Variants in FBXL17 observed in about 807,000 individuals in gnomAD.
The protein encoded by FBXL17 is F-box/LRR-repeat protein 17.
FBXL17 carries 22 observed loss-of-function variants against 66.2 expected under a neutral mutation model. The observed-to-expected ratio is 0.33, with a 90% confidence interval of 0.24 to 0.47. The LOEUF (loss-of-function observed/expected upper bound fraction) is 0.47, where lower values mean the gene tolerates loss of function less well. Among genes scored for constraint, FBXL17 ranks in the 20% least tolerant of loss-of-function variants. The pLI, the probability that FBXL17 is intolerant of heterozygous loss-of-function variation, is 1.00. For missense variants in FBXL17, 878 were observed against 948.2 expected (o/e 0.93, Z 0.97); for synonymous variants, 474 against 400.5 (o/e 1.18, Z -2.19).
intron 8 of FBXL17, chr5:107,878,978 A>G: frequency 1.0e-6 from 1 of 985,494 alleles, no homozygotes; most frequent in Non-Finnish European, 1.2e-6. Flanking sequence ...AAAAGGGCTA[A>G]AACCCTCAGG....
intron 5 of FBXL17, among the ~76,000 whole-genome samples, chr5:108,201,853 T>A (rs1160897485): frequency 8.5e-4 from 110 of 129,328 alleles, no homozygotes; most frequent in Middle Eastern, 4.4e-3. Context: ...AATTTGAAAG[T>A]AAAAAAAAAA....
intron 8 of FBXL17, among the ~76,000 whole-genome samples, chr5:107,866,741 A>G (rs1175132850): frequency 6.6e-6 from 1 of 152,220 alleles, no homozygotes; most frequent in Non-Finnish European, 1.5e-5. Context: ...TTTTTGACTC[A>G]GGTTTTAAGA....
At chr5:108,279,645 T>C (rs1330203587) in intron 4 of FBXL17, among the ~76,000 whole-genome samples, 1 of 149,508 alleles carries the variant, frequency 6.7e-6, no homozygotes, top group Non-Finnish European at 1.5e-5. Flanking sequence ...AAAACCCAGA[T>C]AAAGAATGTT....
At chr5:108,217,206 C>A (rs767012719) in intron 5 of FBXL17, among the ~76,000 whole-genome samples, 2 of 152,064 alleles carry the variant, frequency 1.3e-5, no homozygotes, top group Non-Finnish European at 2.9e-5. Context: ...CCATTCCAGA[C>A]CCCCTCTCTG....
intron 7 of FBXL17, among the ~76,000 whole-genome samples, chr5:107,955,922 A>G (rs898154657): frequency 6.6e-6 from 1 of 152,198 alleles, no homozygotes; most frequent in African/African-American, 2.4e-5. Context: ...ATGAAAATAA[A>G]AACATCTTTA....
intron 6 of FBXL17, among the ~76,000 whole-genome samples, chr5:108,162,717 C>T (rs1029522209): frequency 2.6e-5 from 4 of 152,112 alleles, no homozygotes; most frequent in Admixed American, 6.5e-5. Context: ...TCTCTAGTGC[C>T]TTGGTTCTCT....
intron 8 of FBXL17, 57 bp from the exon 9 acceptor site, chr5:107,861,917 C>T: frequency 2.1e-6 from 3 of 1,405,488 alleles, no homozygotes; most frequent in Non-Finnish European, 2.8e-6. Context: ...CACGCCGCTG[C>T]CCACGCTCAC....
At chr5:108,025,564 T>C (rs149424898) in intron 6 of FBXL17, among the ~76,000 whole-genome samples, 1 of 152,062 alleles carries the variant, frequency 6.6e-6, no homozygotes, top group Admixed American at 6.6e-5. Context: ...AGTGATCTAT[T>C]TGGGGTTTTA....
chr5:108,175,609 C>T (rs1007908668), intron 6 of FBXL17, among the ~76,000 whole-genome samples: 2 of 152,102 alleles, frequency 1.3e-5, no homozygotes, highest in Admixed American at 6.6e-5. Flanking sequence ...TTTCATGAAG[C>T]GTAAAGGTTC....
intron 7 of FBXL17, among the ~76,000 whole-genome samples, chr5:107,897,424 T>C (rs930947115): frequency 2.6e-5 from 4 of 152,144 alleles, no homozygotes; most frequent in Non-Finnish European, 5.9e-5. Flanking sequence ...GTCTTTTGGT[T>C]GTACAGCAAG....
intron 7 of FBXL17, among the ~76,000 whole-genome samples, chr5:107,892,183 T>C (rs1181686911): frequency 6.6e-6 from 1 of 152,184 alleles, no homozygotes. Context: ...GAATGTGTAT[T>C]GCTTTCACAC....
At chr5:108,248,606 C>A (rs922054783) in intron 4 of FBXL17, among the ~76,000 whole-genome samples, 1 of 151,944 alleles carries the variant, frequency 6.6e-6, no homozygotes, top group African/African-American at 2.4e-5. Context: ...TCAAGATGAG[C>A]GAATGTTAAA....
intron 6 of FBXL17, among the ~76,000 whole-genome samples, chr5:108,096,716 T>C (rs905081144): frequency 7.9e-5 from 12 of 152,008 alleles, no homozygotes; most frequent in African/African-American, 2.7e-4. Context: ...GGATGGCCAG[T>C]GAGTATGGAA....
At chr5:108,127,818 A>G (rs992435297) in intron 6 of FBXL17, among the ~76,000 whole-genome samples, 1 of 152,236 alleles carries the variant, frequency 6.6e-6, no homozygotes, top group African/African-American at 2.4e-5. Context: ...TAATTTTTTA[A>G]TATGCTATGT....
chr5:108,242,510 C>G (rs1179736515), intron 4 of FBXL17, among the ~76,000 whole-genome samples: 2 of 152,082 alleles, frequency 1.3e-5, no homozygotes, highest in Non-Finnish European at 2.9e-5. Flanking sequence ...GTGTAAGCCA[C>G]TGTGTCTGGC....
At chr5:108,281,064 C>T (rs1361520557) in intron 4 of FBXL17, among the ~76,000 whole-genome samples, 1 of 151,670 alleles carries the variant, frequency 6.6e-6, no homozygotes, top group East Asian at 1.9e-4. Context: ...GATAGCAATA[C>T]AATAATAGTG....
chr5:107,894,033 T>C (rs1749292724), intron 7 of FBXL17, among the ~76,000 whole-genome samples: 1 of 152,184 alleles, frequency 6.6e-6, no homozygotes, highest in South Asian at 2.1e-4. Flanking sequence ...AAAAAGAGTA[T>C]GTGTGTGGAT....
In FBXL17 at chr5:107,895,403, C is replaced by T. The variant is rs150232849; in HGVS notation, c.1823-14224G>A. ...AGCCTAAGTCCAACATGATTTCTTACCCTTCTTATGTATCTAGCTTTTAAT... is the reference window on the plus strand; with the variant it reads ...AGCCTAAGTCCAACATGATTTCTTATCCTTCTTATGTATCTAGCTTTTAAT... On this transcript the variant is annotated intron_variant, in intron 7 of 8. Coordinates refer to ENST00000542267, the MANE Select transcript of FBXL17 (RefSeq NM_001163315.3). Among the ~76,000 whole-genome samples, 230 of 152,184 alleles carry T rather than the reference C, an allele frequency of 1.5e-3. 3 individuals are homozygous for T. Among genetic ancestry groups the T allele is most frequent in the African/African-American group, 5.4e-3 (225 of 41,526 alleles).
At chr5:107,925,913 C>T (rs528293172) in intron 7 of FBXL17, among the ~76,000 whole-genome samples, 1 of 152,146 alleles carries the variant, frequency 6.6e-6, no homozygotes, top group Non-Finnish European at 1.5e-5. Context: ...GGGTTTCATG[C>T]TTTCACAGAC....
Sources: allele counts gnomAD v4.1 joint callset (sites outside exome capture counted in the v4.1 genomes callset), GRCh38; gene constraint gnomAD v4.1.1; transcripts MANE v1.5; gene names NCBI Gene and HGNC (gene_info 2026-07-23, HGNC 2026-07-21).